The following LRTM3 variants were observed in gnomAD, a reference collection of about 807,000 sequenced individuals.
LRTM3 encodes the protein leucine rich repeat transmembrane protein 3, also known as leucine-rich repeat transmembrane protein 3.
At chr13:102,738,391 C>G in the LRTM3 span, 3 of 1,550,854 alleles carry the variant, frequency 1.9e-6, no homozygotes, top group Admixed American at 3.9e-5. Context: ...CTTTTTCTCT[C>G]CTTGTATCCA....
the LRTM3 span, chr13:102,733,208 A>G: frequency 2.6e-6 from 4 of 1,551,364 alleles, no homozygotes; most frequent in South Asian, 1.2e-5. Context: ...TTTCATGACA[A>G]TATCTTGTTC....
At chr13:102,739,050 G>A in the LRTM3 span, 6 of 1,550,406 alleles carry the variant, frequency 3.9e-6, no homozygotes, top group Non-Finnish European at 4.4e-6. Flanking sequence ...GATGATGAAA[G>A]ACAGAATCTT....
At chr13:102,758,819 C>T in the LRTM3 span, 1 of 1,549,710 alleles carries the variant, frequency 6.5e-7, no homozygotes, top group South Asian at 1.2e-5. Flanking sequence ...AGAAAATTGC[C>T]ACCCAATCAT....
At chr13:102,755,947 ATATATATATATATATTT>A in the LRTM3 span, among the ~76,000 whole-genome samples, 1 of 79,072 alleles carries the variant, frequency 1.3e-5, no homozygotes, top group Non-Finnish European at 2.7e-5. Flanking sequence ...ATATACATAT[ATATATATATATATATTT>A]TTTTTTTTTC....
the LRTM3 span, chr13:102,742,608 C>A: frequency 6.4e-7 from 1 of 1,550,586 alleles, no homozygotes; most frequent in Non-Finnish European, 8.7e-7. Context: ...GTCTTCTGGG[C>A]TTTAAAGTTC....
chr13:102,735,313 A>T, the LRTM3 span: 2 of 1,551,156 alleles, frequency 1.3e-6, no homozygotes, highest in Non-Finnish European at 1.7e-6. Flanking sequence ...GCTTTACATC[A>T]CTTGAAAGTT....
chr13:102,753,494 T>TAAAA, the LRTM3 span, among the ~76,000 whole-genome samples: 1 of 124,438 alleles, frequency 8.0e-6, no homozygotes. Context: ...AAAGTAAAAT[T>TAAAA]AAAAAAAAAA....
the LRTM3 span, chr13:102,750,314 C>A: frequency 1.9e-6 from 3 of 1,546,266 alleles, no homozygotes; most frequent in Non-Finnish European, 2.6e-6. Flanking sequence ...GAATAAAATT[C>A]TATCTTCAAA....
the LRTM3 span, chr13:102,736,286 C>G: frequency 2.6e-6 from 4 of 1,551,084 alleles, no homozygotes; most frequent in Non-Finnish European, 2.6e-6. Flanking sequence ...TTTCATGCCC[C>G]ACTGTGGCTC....
At chr13:102,749,453 T>G in the LRTM3 span, 2 of 1,551,338 alleles carry the variant, frequency 1.3e-6, no homozygotes, top group Non-Finnish European at 1.7e-6. Flanking sequence ...AAAAATAGTG[T>G]CTTGCCCCTT....
At chr13:102,742,070 T>C in the LRTM3 span, 1 of 1,550,486 alleles carries the variant, frequency 6.4e-7, no homozygotes, top group Non-Finnish European at 8.7e-7. Context: ...TGTCCTGTCT[T>C]TTGGCTTGTC....
the LRTM3 span, chr13:102,742,762 T>A: frequency 6.4e-7 from 1 of 1,550,658 alleles, no homozygotes; most frequent in Admixed American, 2.0e-5. Context: ...GTCTTTTCAT[T>A]TCTTCTGAAG....
the LRTM3 span, chr13:102,738,191 A>G: frequency 2.3e-5 from 36 of 1,550,656 alleles, no homozygotes; most frequent in Non-Finnish European, 3.1e-5. Context: ...TTCTGGATGC[A>G]TTATGTCTTT....
At chr13:102,741,161 T>G in the LRTM3 span, 5 of 1,549,038 alleles carry the variant, frequency 3.2e-6, no homozygotes, top group Non-Finnish European at 4.4e-6. Context: ...ACTTAGATGC[T>G]TCATCCTCAA....
the LRTM3 span, chr13:102,748,983 A>G: frequency 6.4e-7 from 1 of 1,550,882 alleles, no homozygotes; most frequent in Non-Finnish European, 8.7e-7. Context: ...AAATGTCCAC[A>G]TTTTATTAAA....
chr13:102,743,306 A>G, the LRTM3 span: 3 of 1,550,456 alleles, frequency 1.9e-6, no homozygotes, highest in East Asian at 2.4e-5. Context: ...TCTCATGTCT[A>G]TCTCTGTTTG....
the LRTM3 span, chr13:102,736,527 G>A: frequency 3.5e-3 from 5,392 of 1,551,110 alleles, 18 homozygotes; most frequent in Non-Finnish European, 4.3e-3. Context: ...TCAAGATGTG[G>A]CATAAAGCTT....
the LRTM3 span, chr13:102,735,900 T>TGCTTTCCTGTACTCCTTCCC: frequency 6.5e-7 from 1 of 1,538,906 alleles, no homozygotes; most frequent in Non-Finnish European, 8.8e-7. Context: ...GGTTCCTTTT[T>TGCTTTCCTGTACTCCTTCCC]GCTTTCCTGT....
chr13:102,740,612 G>T, the LRTM3 span: 1 of 1,548,592 alleles, frequency 6.5e-7, no homozygotes, highest in South Asian at 1.2e-5. Context: ...TGCTTCTCTT[G>T]TCTGTGAAGT....
Sources: gnomAD v4.1 joint callset for allele counts (sites outside exome capture counted in the v4.1 genomes callset) on GRCh38, gnomAD v4.1.1 for gene constraint, MANE v1.5 for transcripts, NCBI Gene and HGNC (gene_info 2026-07-23, HGNC 2026-07-21) for gene names.